TRPM6: variants seen among roughly 807,000 people sequenced by gnomAD.
TRPM6 encodes the protein transient receptor potential cation channel subfamily M member 6.
A neutral mutation model predicts 247.6 loss-of-function variants in TRPM6; 111 were observed. The observed-to-expected ratio is 0.45, with a 90% CI of 0.38 to 0.52. TRPM6 has a LOEUF of 0.52. Ranked by LOEUF, TRPM6 falls within the 20% of genes least tolerant of loss-of-function variation. The probability of loss-of-function intolerance (pLI) is 0.00; values close to 1 mark genes in which losing one functional copy is unlikely to be tolerated. For missense variants in TRPM6, 2,126 were observed against 2,421.5 expected (o/e 0.88, Z 2.56); for synonymous variants, 892 against 853.8 (o/e 1.04, Z -0.78).
intron 19 of TRPM6, among the ~76,000 whole-genome samples, chr9:74,792,093 A>G (rs1488297563): frequency 1.3e-5 from 2 of 152,078 alleles, no homozygotes; most frequent in Non-Finnish European, 2.9e-5. Context: ...CCACCCACCT[A>G]TTGCTTAATT....
rs1171122084 is a variant in TRPM6 at position 74,724,478 on chromosome 9, C to G, written c.*135G>C. On this transcript the variant is annotated 3_prime_UTR_variant, in exon 39 of 39. Transcript: ENST00000360774. ...ATCATATACCAATGAGGCCTTTGAA[C>G]AGAAGGAGATGTGAGGCTCAGAAGG... is the stretch of plus-strand genomic sequence containing the variant. 5 of 1,301,732 alleles carry G rather than the reference C, an allele frequency of 3.8e-6. No individual in the cohort carries two copies. Among genetic ancestry groups the G allele is most frequent in the African/African-American group, 1.5e-5 (1 of 68,910 alleles). 80.6% of individuals were successfully genotyped at this position (1,301,732 alleles called of 1,614,324 possible). A position where few individuals can be genotyped will look rare whatever the true frequency, so the allele number is the denominator to read the frequency against.
At chr9:74,850,318 G>A (rs1830258480) in intron 3 of TRPM6, among the ~76,000 whole-genome samples, 1 of 152,190 alleles carries the variant, frequency 6.6e-6, no homozygotes, top group Non-Finnish European at 1.5e-5. Context: ...GTTATAGTGA[G>A]GCGAGATTGG....
intron 28 of TRPM6, among the ~76,000 whole-genome samples, chr9:74,753,894 T>G (rs1340926129): frequency 6.6e-6 from 1 of 152,156 alleles, no homozygotes; most frequent in Non-Finnish European, 1.5e-5. Context: ...CGGATCAACC[T>G]ATTTCCCTAG....
intron 31 of TRPM6, among the ~76,000 whole-genome samples, chr9:74,747,588 C>A (rs939836195): frequency 2.6e-5 from 4 of 152,128 alleles, no homozygotes; most frequent in Admixed American, 2.6e-4. Context: ...TGTGAAAAAA[C>A]AAAAGGACAG....
At chr9:74,794,015 A>C (rs78106505) in intron 18 of TRPM6, among the ~76,000 whole-genome samples, 3,343 of 152,262 alleles carry the variant, frequency 0.022, 122 homozygotes, top group African/African-American at 0.076. Context: ...GAAAAGAGAA[A>C]AAGGAAAAGA....
intron 35 of TRPM6, among the ~76,000 whole-genome samples, chr9:74,738,937 C>G (rs1825775748): frequency 6.6e-6 from 1 of 152,152 alleles, no homozygotes; most frequent in South Asian, 2.1e-4. Flanking sequence ...TGATCTGTGT[C>G]TCAATAAATG....
chr9:74,742,464 T>C lies in TRPM6; in HGVS notation c.5200+97A>G, dbSNP rs985673456. 2.0e-4 allele frequency: 245 copies of C among 1,244,332 alleles called. 2 individuals are homozygous for C. In the East Asian group the frequency reaches 5.9e-3, roughly 30 times the overall value. 77.1% of individuals were successfully genotyped at this position (1,244,332 alleles called of 1,614,324 possible). A position where few individuals can be genotyped will look rare whatever the true frequency, so the allele number is the denominator to read the frequency against. The stretch of plus-strand genomic sequence containing the variant: ...AACTACAACTATCAACAAAACAAAA[T>C]TTTCAACTAAAATAATGCAATGTGG... On this transcript the variant is annotated intron_variant, in intron 33 of 38. Transcript: ENST00000360774.
chr9:74,745,956 A>T (rs975332187), intron 31 of TRPM6, among the ~76,000 whole-genome samples: 1 of 152,194 alleles, frequency 6.6e-6, no homozygotes, highest in African/African-American at 2.4e-5. Flanking sequence ...TAAAAATGGT[A>T]TTATGGCCAG....
chr9:74,884,360 G>A (rs190879480), intron 1 of TRPM6, among the ~76,000 whole-genome samples: 229 of 149,534 alleles, frequency 1.5e-3, no homozygotes, highest in African/African-American at 5.4e-3. Context: ...GTGGTGGCGG[G>A]TGCCTGTAGT....
intron 37 of TRPM6, 77 bp downstream of exon 37, chr9:74,732,608 G>T: frequency 8.7e-7 from 1 of 1,148,204 alleles, no homozygotes; most frequent in Non-Finnish European, 1.3e-6. Context: ...GAACATATAT[G>T]TTTGTAAATT....
chr9:74,803,018 TACTA>T (rs1828398585), intron 15 of TRPM6, among the ~76,000 whole-genome samples: 1 of 152,166 alleles, frequency 6.6e-6, no homozygotes, highest in South Asian at 2.1e-4. Context: ...GCCTGGCAAA[TACTA>T]AAGATTCAAT....
rs554007958 is a variant in TRPM6, at chr9:74,816,392, A to G, written c.1308+277T>C. 2.0e-5 allele frequency among the ~76,000 whole-genome samples: 3 copies of G among 150,294 alleles called. No homozygotes were observed. In the East Asian group the frequency reaches 5.9e-4, roughly 30 times the overall value. On this transcript the variant is annotated intron_variant, in intron 11 of 38. Transcript: ENST00000360774. ...TCTAAAAATAAAATAACATAAATAT[A>G]TTAAAATAAAAACCTTCCATTCTGT...
intron 7 of TRPM6, among the ~76,000 whole-genome samples, chr9:74,825,178 T>C (rs1237365614): frequency 3.3e-5 from 5 of 152,008 alleles, no homozygotes; most frequent in Non-Finnish European, 7.4e-5. Context: ...AGGAGAATTG[T>C]TTGAACCAGG....
At chr9:74,839,581 G>C (rs1829845976) in intron 5 of TRPM6, among the ~76,000 whole-genome samples, 1 of 152,108 alleles carries the variant, frequency 6.6e-6, no homozygotes. Context: ...TGGATTCGAT[G>C]TCCCTTCTAG....
intron 3 of TRPM6, among the ~76,000 whole-genome samples, chr9:74,853,323 C>T (rs1486181244): frequency 6.6e-6 from 1 of 151,308 alleles, no homozygotes; most frequent in Non-Finnish European, 1.5e-5. Flanking sequence ...GGTTGGGGGG[C>T]GCCTCTGCCC....
chr9:74,732,621 T>G, intron 37 of TRPM6, 64 bp downstream of exon 37: 8 of 1,296,102 alleles, frequency 6.2e-6, no homozygotes, highest in Non-Finnish European at 8.8e-6. Flanking sequence ...TGTAAATTAT[T>G]TTTAAAACCA....
intron 1 of TRPM6, among the ~76,000 whole-genome samples, chr9:74,875,911 A>G (rs892668269): frequency 1.1e-4 from 17 of 152,244 alleles, no homozygotes; most frequent in African/African-American, 4.1e-4. Context: ...AAGCTTATCT[A>G]AGAAGATAAT....
At chr9:74,867,882 A>C (rs1011479548) in intron 1 of TRPM6, among the ~76,000 whole-genome samples, 1 of 152,214 alleles carries the variant, frequency 6.6e-6, no homozygotes, top group Non-Finnish European at 1.5e-5. Flanking sequence ...GGCCAGACGC[A>C]GTGGCTCACG....
At chr9:74,785,763 T>C (rs1587503268) in intron 21 of TRPM6, 111 bp downstream of exon 21, 2 of 1,184,000 alleles carry the variant, frequency 1.7e-6, no homozygotes, top group African/African-American at 1.5e-5. Context: ...GACCTTGTGA[T>C]CCGCCCGCCT....
Sources: allele counts gnomAD v4.1 joint callset (sites outside exome capture counted in the v4.1 genomes callset), GRCh38; gene constraint gnomAD v4.1.1; transcripts MANE v1.5; gene names NCBI Gene and HGNC (gene_info 2026-07-23, HGNC 2026-07-21).